Variants in STAB2 observed in about 807,000 individuals in gnomAD.
STAB2 encodes the protein stabilin-2.
Under a neutral mutation model 338.1 loss-of-function variants are expected in STAB2, and 288 were observed. The observed-to-expected ratio is 0.85, with a 90% CI of 0.77 to 0.94. The LOEUF (loss-of-function observed/expected upper bound fraction) is 0.94. Among genes scored for constraint, STAB2 ranks in the 40% least tolerant of loss-of-function variants. STAB2 has a pLI of 0.00. For synonymous variants in STAB2, 1,202 were observed against 1,193.3 expected (o/e 1.01, Z -0.15); for missense variants, 3,141 against 3,210.1 (o/e 0.98, Z 0.52).
intron 47 of STAB2, among the ~76,000 whole-genome samples, chr12:103,727,923 T>A (rs926930209): frequency 6.6e-6 from 1 of 152,064 alleles, no homozygotes; most frequent in African/African-American, 2.4e-5. Flanking sequence ...TTTCCCAAGA[T>A]CACATGACTA....
chr12:103,709,347 G>A (rs1879642486), intron 39 of STAB2, among the ~76,000 whole-genome samples: 1 of 152,210 alleles, frequency 6.6e-6, no homozygotes. Context: ...GTGGGCAGGC[G>A]CCGGGCCGTG....
chr12:103,639,440 T>G (rs1957602998), intron 8 of STAB2, among the ~76,000 whole-genome samples: 2 of 152,088 alleles, frequency 1.3e-5, no homozygotes. Flanking sequence ...TGGTGGCTCA[T>G]TCCTGTAATC....
chr12:103,671,739 A>G (rs1479203533), intron 22 of STAB2, among the ~76,000 whole-genome samples: 2 of 152,246 alleles, frequency 1.3e-5, no homozygotes, highest in Non-Finnish European at 2.9e-5. Context: ...GTACAGTGAC[A>G]TAAATATCAA....
rs139454229 is a variant in STAB2 at position 103,634,637 on chromosome 12, G to A, written c.584-2474G>A. On this transcript the variant is annotated intron_variant, in intron 6 of 68. Coordinates refer to ENST00000388887, the MANE Select transcript of STAB2 (RefSeq NM_017564.10). ...TCTTTTCGGTGTTTCTTTTGATGTC[G>A]GGATACCATGAAAAAATTATTGGGA... Among the ~76,000 whole-genome samples the A allele has an allele frequency of 4.2e-3, 642 of 152,268 alleles. 5 individuals are homozygous for A. Among genetic ancestry groups the A allele is most frequent in the African/African-American group, 0.015 (610 of 41,550 alleles).
At chr12:103,721,802 G>A (rs1231225291) in intron 44 of STAB2, among the ~76,000 whole-genome samples, 2 of 152,188 alleles carry the variant, frequency 1.3e-5, no homozygotes, top group Non-Finnish European at 2.9e-5. Context: ...CCAGCTTGGA[G>A]AGAGAGGGAG....
Position 103,708,535 on chromosome 12 carries a change from T to C in STAB2, c.4287T>C (p.Asn1429=), listed in dbSNP as rs762577232. Residue 1429 remains asparagine, a splice_region_variant and synonymous_variant, in exon 39 of 69, where the codon AAT becomes AAC. Transcript: ENST00000388887. ...DVGWRGVHCD[N]ATTEDNCNGT... is the part of the protein sequence containing the mutation. ...GCTGGCGAGGAGTGCATTGTGACAA[T>C]GGTAAGAGTGAGGCCTCCAGTATTT... 5 of 1,613,862 alleles carry C rather than the reference T, an allele frequency of 3.1e-6. No individual in the cohort carries two copies. The highest frequency in any genetic ancestry group is 2.2e-5 in the East Asian group (1 of 44,898).
At chr12:103,641,716 GA>G (rs1206159160) in intron 9 of STAB2, among the ~76,000 whole-genome samples, 2 of 152,188 alleles carry the variant, frequency 1.3e-5, no homozygotes, top group African/African-American at 4.8e-5. Flanking sequence ...AATGAAATGA[GA>G]ATATCAGAAT....
chr12:103,653,737 TGGATGGATGAATGGATGGATGGATGGAC>T (rs1489328168), intron 12 of STAB2, among the ~76,000 whole-genome samples: 5 of 146,806 alleles, frequency 3.4e-5, no homozygotes, highest in African/African-American at 1.0e-4. Context: ...GATGGATGGA[TGGATGGATGAATGGATGGATGGATGGAC>T]GGATGGATGG....
chr12:103,695,983 ACTCT>A (rs1280115131), intron 33 of STAB2, 139 bp downstream of exon 33: 1 of 783,196 alleles, frequency 1.3e-6, no homozygotes, highest in Non-Finnish European at 2.1e-6. Flanking sequence ...TGGTGCAGAG[ACTCT>A]CTCATACACA....
At chr12:103,591,076 A>C in intron 2 of STAB2, 46 bp downstream of exon 2, 1 of 1,609,196 alleles carries the variant, frequency 6.2e-7, no homozygotes, top group Non-Finnish European at 8.5e-7. Flanking sequence ...ATCCAACTTG[A>C]AGCTCCCTGT....
chr12:103,755,309 A>G lies in STAB2; in HGVS notation c.6722A>G (p.Tyr2241Cys). ...NQLSYAQKAK[Y>C]HLCSAGWLET... The stretch of plus-strand genomic sequence containing the variant: ...CTGTCTGTATCCCTGCAGGCCAAGT[A>G]CCACCTGTGCTCAGCAGGCTGGCTG... Residue 2241 changes from tyrosine (Y) to cysteine (C), a missense_variant, in exon 62 of 69, where the codon TAC becomes TGC. Coordinates refer to ENST00000388887, the MANE Select transcript of STAB2 (RefSeq NM_017564.10). 1 of 1,613,910 alleles carries G rather than the reference A, an allele frequency of 6.2e-7. No homozygotes were observed. Among genetic ancestry groups the G allele is most frequent in the Non-Finnish European group, 8.5e-7 (1 of 1,179,996 alleles).
chr12:103,746,844 T>C lies in STAB2; in HGVS notation c.6244+140T>C. 3.9e-6 allele frequency: 3 copies of C among 761,978 alleles called. No individual in the cohort carries two copies. In the Admixed American group the frequency reaches 6.3e-5, roughly 16 times the overall value. 47.2% of individuals were successfully genotyped at this position (761,978 alleles called of 1,614,324 possible). A position where few individuals can be genotyped will look rare whatever the true frequency, so the allele number is the denominator to read the frequency against. On this transcript the variant is annotated intron_variant, in intron 58 of 68. Coordinates refer to ENST00000388887, the MANE Select transcript of STAB2 (RefSeq NM_017564.10). Reference sequence around the variant, plus strand: ...AGCACCTACCCTCTCTATGACTCAGTTTCTTTAATGGGTGTGCTCATGCTT... The same window carrying C: ...AGCACCTACCCTCTCTATGACTCAGCTTCTTTAATGGGTGTGCTCATGCTT...
Position 103,704,619 on chromosome 12 carries a change from G to C in STAB2, c.3900+5G>C, listed in dbSNP as rs1879180391. The C allele has an allele frequency of 1.2e-6, 2 of 1,613,292 alleles. No homozygotes were observed. The highest frequency in any genetic ancestry group is 2.2e-5 in the South Asian group (2 of 90,922). On this transcript the variant is annotated splice_donor_5th_base_variant and intron_variant, in intron 36 of 68. Coordinates refer to ENST00000388887, the MANE Select transcript of STAB2 (RefSeq NM_017564.10). Reference sequence around the variant, plus strand: ...CCATTCGGAACTAAATCTCTAGTAAGTACTTTGTCTGTTTTGATAAAATAG... The same window carrying C: ...CCATTCGGAACTAAATCTCTAGTAACTACTTTGTCTGTTTTGATAAAATAG...
intron 5 of STAB2, among the ~76,000 whole-genome samples, chr12:103,625,412 A>G (rs950082212): frequency 2.6e-5 from 4 of 152,220 alleles, no homozygotes; most frequent in Non-Finnish European, 5.9e-5. Flanking sequence ...CACAACGTGC[A>G]GCTTAGTTAC....
chr12:103,748,218 C>G (rs1883235304), intron 58 of STAB2, among the ~76,000 whole-genome samples: 1 of 152,156 alleles, frequency 6.6e-6, no homozygotes, highest in African/African-American at 2.4e-5. Context: ...GCAACAAAGA[C>G]CTAGATTCTC....
chr12:103,700,709 C>T (rs1013760249), intron 34 of STAB2, among the ~76,000 whole-genome samples: 1 of 152,178 alleles, frequency 6.6e-6, no homozygotes, highest in South Asian at 2.1e-4. Flanking sequence ...TTAGCTGAAT[C>T]AATTTTAGAG....
chr12:103,744,919 CTG>C (rs1882897551), intron 56 of STAB2, among the ~76,000 whole-genome samples: 1 of 152,216 alleles, frequency 6.6e-6, no homozygotes, highest in Admixed American at 6.5e-5. Flanking sequence ...GCTGGGCACT[CTG>C]AGACTGTAAG....
intron 63 of STAB2, among the ~76,000 whole-genome samples, chr12:103,756,291 T>A (rs1488807934): frequency 6.6e-6 from 1 of 152,220 alleles, no homozygotes; most frequent in Non-Finnish European, 1.5e-5. Context: ...TGCTGACTGA[T>A]CAAAGAACTG....
intron 25 of STAB2, among the ~76,000 whole-genome samples, chr12:103,682,676 G>A (rs1011230305): frequency 3.3e-5 from 5 of 152,182 alleles, no homozygotes; most frequent in South Asian, 2.1e-4. Context: ...GAGGCTGGGC[G>A]TGGTGGCTCA....
Sources: allele counts gnomAD v4.1 joint callset (sites outside exome capture counted in the v4.1 genomes callset), GRCh38; gene constraint gnomAD v4.1.1; transcripts MANE v1.5; gene names NCBI Gene and HGNC (gene_info 2026-07-23, HGNC 2026-07-21).